The following TNKS variants were observed in gnomAD, a reference collection of about 807,000 sequenced individuals.
The protein encoded by TNKS is poly [ADP-ribose] polymerase tankyrase-1.
TNKS carries 72 observed loss-of-function variants against 135.8 expected under a neutral mutation model. The ratio of observed to expected loss-of-function variants is 0.53; its 90% CI spans 0.44 to 0.64. TNKS has a LOEUF of 0.64. Ranked by LOEUF, TNKS falls within the 30% of genes least tolerant of loss-of-function variation. The probability of loss-of-function intolerance (pLI) is 0.00; values close to 1 mark genes in which losing one functional copy is unlikely to be tolerated. For missense variants in TNKS, 1,769 were observed against 1,674.0 expected, an observed-to-expected ratio of 1.06 and a Z score of -0.99; for synonymous variants, 849 against 649.3, an observed-to-expected ratio of 1.31 and a Z score of -4.68.
intron 3 of TNKS, among the ~76,000 whole-genome samples, chr8:9,663,384 GTGTATA>G: frequency 6.6e-6 from 1 of 152,322 alleles, no homozygotes; most frequent in Non-Finnish European, 1.5e-5. Flanking sequence ...AAACACGTGT[GTGTATA>G]TGTATGTGTA....
intron 2 of TNKS, among the ~76,000 whole-genome samples, chr8:9,591,393 T>A (rs1427104257): frequency 6.6e-6 from 1 of 152,204 alleles, no homozygotes; most frequent in Non-Finnish European, 1.5e-5. Flanking sequence ...TAACGCTGGA[T>A]GTATGTCTCA....
At chr8:9,735,118 C>A (rs201256644) in intron 16 of TNKS, 34 bp downstream of exon 16, 9 of 1,592,992 alleles carry the variant, frequency 5.6e-6, no homozygotes, top group Non-Finnish European at 7.7e-6. Context: ...GCCTCCTTTT[C>A]CTTTCTCGGA....
At chr8:9,650,230 C>G (rs1021050932) in intron 3 of TNKS, among the ~76,000 whole-genome samples, 1 of 152,054 alleles carries the variant, frequency 6.6e-6, no homozygotes, top group Non-Finnish European at 1.5e-5. Context: ...GATTGATGGG[C>G]ATTTGGGCTG....
intron 1 of TNKS, among the ~76,000 whole-genome samples, chr8:9,565,851 C>T (rs1310223483): frequency 1.3e-5 from 2 of 151,536 alleles, no homozygotes; most frequent in African/African-American, 2.4e-5. Context: ...AGCAAGACTC[C>T]GTCTCAAAAA....
At chr8:9,724,695 C>G (rs955824287) in intron 12 of TNKS, among the ~76,000 whole-genome samples, 2 of 152,166 alleles carry the variant, frequency 1.3e-5, no homozygotes, top group African/African-American at 2.4e-5. Context: ...AGGTGCAGGT[C>G]TCTACAATCT....
In TNKS at chr8:9,720,484, C is replaced by T. The variant is rs758676267; in HGVS notation, c.1860C>T (p.Ile620=). ...GTTACGGCTCTGACCCCTCCATCATCTCCTTACAAGGCTTCACAGCAGCAC... is the reference window on the plus strand; with the variant it reads ...GTTACGGCTCTGACCCCTCCATCATTTCCTTACAAGGCTTCACAGCAGCAC... ...LLSYGSDPSI[I]SLQGFTAAQM... The change falls in exon 12 of 27, where the codon ATC becomes ATT. Residue 620 remains isoleucine (I), a synonymous_variant. Transcript: ENST00000310430. 1 of 1,614,174 alleles carries T rather than the reference C, an allele frequency of 6.2e-7. No individual in the cohort carries two copies. Among genetic ancestry groups the T allele is most frequent in the Non-Finnish European group, 8.5e-7 (1 of 1,180,030 alleles).
chr8:9,572,097 G>C (rs1172448857), intron 1 of TNKS, among the ~76,000 whole-genome samples: 1 of 152,280 alleles, frequency 6.6e-6, no homozygotes, highest in East Asian at 1.9e-4. Context: ...ATGATATATA[G>C]ACATAAGCTC....
At position 9,688,471 on chromosome 8, in the gene TNKS, A is replaced by G. The variant is rs192617262; in HGVS notation, c.1107+7671A>G. Among the ~76,000 whole-genome samples the G allele has an allele frequency of 1.1e-3, 163 of 152,312 alleles. 1 individual carries two copies. The highest frequency in any genetic ancestry group is 3.8e-3 in the African/African-American group (157 of 41,576). ...ACCAATGTAAACTATTTCTTAATTC[A>G]TTGTATACCATTTCTAGTGTCTTAG... On this transcript the variant is annotated intron_variant, in intron 5 of 26. Transcript: ENST00000310430.
intron 5 of TNKS, among the ~76,000 whole-genome samples, chr8:9,690,454 T>C (rs1348426616): frequency 6.6e-6 from 1 of 152,178 alleles, no homozygotes; most frequent in Non-Finnish European, 1.5e-5. Context: ...GTCCTTTATA[T>C]TCTCACTTTA....
Position 9,766,434 on chromosome 8 carries a change from C to G in TNKS, c.3740+9C>G, listed in dbSNP as rs1807449432. ...TGCTATATATGTCACAGGTAAGCAT[C>G]TTGCCATTAGTGTAACGTTTCCCAC... On this transcript the variant is annotated intron_variant, in intron 25 of 26. Coordinates refer to ENST00000310430, the MANE Select transcript of TNKS (RefSeq NM_003747.3). 3.9e-6 allele frequency: 6 copies of G among 1,530,842 alleles called. No homozygotes were observed. The highest frequency in any genetic ancestry group is 4.4e-6 in the Non-Finnish European group (5 of 1,132,230). The allele number at this position is 1,530,842 out of a possible 1,614,324, so 94.8% of individuals were successfully genotyped here.
At chr8:9,575,038 G>C (rs1015637743) in intron 1 of TNKS, 3 of 985,360 alleles carry the variant, frequency 3.0e-6, no homozygotes, top group Non-Finnish European at 3.6e-6. Flanking sequence ...TGTGTGCCTG[G>C]ATTGCCTTTG....
chr8:9,612,747 C>A (rs1054436579), intron 2 of TNKS, among the ~76,000 whole-genome samples: 1 of 152,164 alleles, frequency 6.6e-6, no homozygotes, highest in African/African-American at 2.4e-5. Flanking sequence ...GGGTTAGGAC[C>A]GTTGAACAAC....
intron 2 of TNKS, among the ~76,000 whole-genome samples, chr8:9,599,589 A>G (rs367621312): frequency 9.2e-5 from 14 of 152,198 alleles, no homozygotes; most frequent in South Asian, 4.1e-4. Flanking sequence ...GTTACACTCA[A>G]TCTTACATTT....
Position 9,593,510 on chromosome 8 carries a change from G to T in TNKS, c.898+13127G>T, listed in dbSNP as rs994722355. 2.0e-5 allele frequency among the ~76,000 whole-genome samples: 3 copies of T among 152,028 alleles called. No homozygotes were observed. The East Asian group carries it at 5.8e-4, about 29-fold the overall frequency. On this transcript the variant is annotated intron_variant, in intron 2 of 26. Coordinates refer to ENST00000310430, the MANE Select transcript of TNKS (RefSeq NM_003747.3). The stretch of plus-strand genomic sequence containing the variant: ...TATTTTTAGCTTAGCTTTTAAAACC[G>T]TATCATATTTAGCAAACTTAAGGTG...
intron 22 of TNKS, among the ~76,000 whole-genome samples, chr8:9,764,046 C>T (rs767375365): frequency 2.0e-5 from 3 of 152,074 alleles, no homozygotes; most frequent in Non-Finnish European, 4.4e-5. Context: ...CCTAATTCTC[C>T]TAGCAGTTAG....
chr8:9,634,854 G>C (rs1290650331), intron 3 of TNKS, among the ~76,000 whole-genome samples: 1 of 152,158 alleles, frequency 6.6e-6, no homozygotes, highest in East Asian at 1.9e-4. Context: ...GGTGTAAAAG[G>C]AGCCTGGAAC....
rs1165814040 is a variant in TNKS, at chr8:9,765,715, G to A, written c.3471G>A (p.Lys1157=). ...VIRIQKVVNK[K]LRERFCHRQK... ...AGATTCAAAAAGTTGTCAACAAGAA[G>A]TTGAGGGAGCGGTTCTGCCACCGAC... The change falls in exon 24 of 27, where the codon AAG becomes AAA. Residue 1157 remains lysine (K), a synonymous_variant. Coordinates refer to ENST00000310430, the MANE Select transcript of TNKS (RefSeq NM_003747.3). The A allele has an allele frequency of 1.2e-5, 20 of 1,613,950 alleles. No homozygotes were observed. The highest frequency in any genetic ancestry group is 1.7e-5 in the Non-Finnish European group (20 of 1,179,910).
Position 9,556,297 on chromosome 8 carries a change from C to G in TNKS, c.358C>G (p.Pro120Ala), listed in dbSNP as rs531198224. 2.0e-5 allele frequency: 32 copies of G among 1,614,160 alleles called. No individual in the cohort carries two copies. Among genetic ancestry groups the G allele is most frequent in the Middle Eastern group, 3.3e-4 (2 of 6,084 alleles). The change falls in exon 1 of 27, where the codon CCA (proline) becomes GCA (alanine). Residue 120 changes from proline to alanine, a missense_variant. Pro to Ala is a conservative substitution (Grantham distance 27). Around this residue, in one of 5 missense-constraint regions of TNKS, gnomAD observed 450 missense variants for 304.9 expected, o/e 1.48. Transcript: ENST00000310430. ...ATCTGCCGCTGGGGTCGCTCCCAAC[C>G]CAGCCGGCAGTGGCAGTAACAATTC... is the stretch of plus-strand genomic sequence containing the variant. ...TSSAAGVAPN[P>A]AGSGSNNSPS...
chr8:9,735,408 T>A lies in TNKS; in HGVS notation c.2565T>A (p.Tyr855Ter). Residue 855 changes from tyrosine to a stop codon, truncating the protein, a stop_gained, in exon 17 of 27, where the codon TAT becomes TAA. Transcript: ENST00000310430. LOFTEE classifies it high-confidence loss of function. ...ATAATAACCTGGAAGTAGCTGAATA[T>A]CTTCTAGAGCATGGAGCTGATGTTA... Reference protein sequence around the residue: ...AGYNNLEVAEYLLEHGADVNA... With the variant: ...AGYNNLEVAE The A allele has an allele frequency of 6.2e-7, 1 of 1,614,132 alleles. No individual in the cohort carries two copies. Among genetic ancestry groups the A allele is most frequent in the Non-Finnish European group, 8.5e-7 (1 of 1,180,014 alleles).
Sources: allele counts gnomAD v4.1 joint callset (sites outside exome capture counted in the v4.1 genomes callset), GRCh38; gene constraint gnomAD v4.1.1; regional missense constraint gnomAD v4.1.1; transcripts MANE v1.5; gene names NCBI Gene and HGNC (gene_info 2026-07-23, HGNC 2026-07-21).